The following AVEN variants were observed in gnomAD, a reference collection of about 807,000 sequenced individuals.
AVEN encodes apoptosis and caspase activation inhibitor.
A neutral mutation model predicts 38.1 loss-of-function variants in AVEN; 41 were observed. The observed-to-expected ratio is 1.08, with a 90% CI of 0.84 to 1.40. The LOEUF is 1.40. Among genes scored for constraint, AVEN ranks in the 40% most tolerant of loss-of-function variants. The pLI is 0.00. For missense variants in AVEN, 605 were observed against 438.8 expected, an observed-to-expected ratio of 1.38 and a Z score of -3.38; for synonymous variants, 206 against 171.8, an observed-to-expected ratio of 1.20 and a Z score of -1.56.
At chr15:33,854,020 C>T (rs1432756951), downstream of AVEN, among the ~76,000 whole-genome samples, 1 of 151,924 alleles carries the variant, frequency 6.6e-6, no homozygotes, top group Non-Finnish European at 1.5e-5. Context: ...AGTGAAACCC[C>T]GTCTCTACTA....
intron 2 of AVEN, among the ~76,000 whole-genome samples, chr15:33,957,986 C>T (rs1895020403): frequency 6.6e-6 from 1 of 152,162 alleles, no homozygotes; most frequent in Non-Finnish European, 1.5e-5. Context: ...AAATCTGAAA[C>T]TCTGAGTGGG....
At chr15:33,922,966 CT>C (rs1184632189) in intron 2 of AVEN, among the ~76,000 whole-genome samples, 1 of 152,142 alleles carries the variant, frequency 6.6e-6, no homozygotes, top group Non-Finnish European at 1.5e-5. Flanking sequence ...TATAGCTATT[CT>C]AATCAGTTTC....
rs781288336 is a variant in AVEN at position 33,867,689 on chromosome 15, G to C, written c.779C>G (p.Pro260Arg). ...GCPVLLGKDN[P>R]SPGPSRDSQK... Reference sequence around the variant, plus strand: ...AGAATCCCTTGAAGGACCCGGGCTTGGGTTGTCTTTGCCCAGCAACACAGG... The same window carrying C: ...AGAATCCCTTGAAGGACCCGGGCTTCGGTTGTCTTTGCCCAGCAACACAGG... Residue 260 changes from proline (P) to arginine (R), a missense_variant, in exon 5 of 6, where the codon CCA (proline) becomes CGA (arginine). Pro to Arg is a moderately radical substitution (Grantham distance 103). Transcript: ENST00000306730. The C allele has an allele frequency of 1.9e-5, 30 of 1,614,152 alleles. 1 individual carries two copies. The South Asian group carries it at 2.4e-4, about 13-fold the overall frequency.
chr15:33,935,052 C>G (rs936196017), intron 2 of AVEN, among the ~76,000 whole-genome samples: 2 of 152,188 alleles, frequency 1.3e-5, no homozygotes, highest in East Asian at 3.8e-4. Context: ...CACTAAGGCT[C>G]TTTCCCGGGG....
rs187086433 is a variant in AVEN at position 33,874,327 on chromosome 15, C to G, written c.516+1598G>C. 1.8e-3 allele frequency among the ~76,000 whole-genome samples: 276 copies of G among 152,276 alleles called. 2 individuals are homozygous for G. The highest frequency in any genetic ancestry group is 3.4e-3 in the Middle Eastern group (1 of 294). On this transcript the variant is annotated intron_variant, in intron 3 of 5. Transcript: ENST00000306730. ...GAATTCACACTCAGGTCTGAAACTG[C>G]TGGTACTAACTAGCCCACACCTGCC...
intron 2 of AVEN, among the ~76,000 whole-genome samples, chr15:33,989,899 C>T (rs1018885650): frequency 2.3e-4 from 34 of 150,318 alleles, no homozygotes; most frequent in Non-Finnish European, 4.4e-5. Context: ...ACACTAGATG[C>T]TATTAGAACG....
At position 33,983,154 on chromosome 15, in the gene AVEN, G is replaced by GTATATA. The variant is rs1555512743; in HGVS notation, c.445+19877_445+19878insTATATA. ...TGTGTGTGTGTGTGTGTGTGTGTGT[G>GTATATA]TGTGTATGTGTGTGTGTATATATAC... On this transcript the variant is annotated intron_variant, in intron 2 of 5. Transcript: ENST00000306730. Among the ~76,000 whole-genome samples the GTATATA allele has an allele frequency of 1.7e-3, 194 of 111,748 alleles. 2 individuals carry two copies. The highest frequency in any genetic ancestry group is 7.7e-3 in the African/African-American group (177 of 23,082). The allele number at this position is 111,748 out of a possible 152,430, so 73.3% of individuals were successfully genotyped here. A position where few individuals can be genotyped will look rare whatever the true frequency, so the allele number is the denominator to read the frequency against.
exon 1 of AVEN, among the ~76,000 whole-genome samples, chr15:34,075,049 C>T (rs555468623): frequency 2.6e-5 from 4 of 152,018 alleles, no homozygotes; most frequent in African/African-American, 7.2e-5. Flanking sequence ...TGGTGGCACA[C>T]GCCTGTAGTC....
intron 2 of AVEN, among the ~76,000 whole-genome samples, chr15:33,894,814 A>AT (rs1363044082): frequency 0.18 from 3,437 of 19,116 alleles, 76 homozygotes; most frequent in Non-Finnish European, 0.35. Flanking sequence ...CATCTCAAAA[A>AT]AAAAAAAATA....
At chr15:34,005,668 C>T (rs989683245) in intron 1 of AVEN, among the ~76,000 whole-genome samples, 1 of 152,156 alleles carries the variant, frequency 6.6e-6, no homozygotes, top group South Asian at 2.1e-4. Flanking sequence ...CCTCTTTCAT[C>T]GAGGAAATTG....
chr15:34,015,606 G>A (rs974949589), intron 1 of AVEN, among the ~76,000 whole-genome samples: 1 of 152,086 alleles, frequency 6.6e-6, no homozygotes, highest in African/African-American at 2.4e-5. Flanking sequence ...TCGGTCTTTA[G>A]GAGCTAAGAA....
At chr15:33,865,205 A>C, downstream of AVEN, 2 of 1,613,482 alleles carry the variant, frequency 1.2e-6, no homozygotes, top group Non-Finnish European at 1.7e-6. Context: ...TTCGTAAACA[A>C]TATGAAGATC....
chr15:33,984,116 T>C (rs926667395), intron 2 of AVEN, among the ~76,000 whole-genome samples: 7 of 151,914 alleles, frequency 4.6e-5, no homozygotes, highest in African/African-American at 9.7e-5. Context: ...GTGGAAAAAA[T>C]TGGAGAAATG....
intron 2 of AVEN, among the ~76,000 whole-genome samples, chr15:33,912,088 T>C (rs939802454): frequency 2.0e-5 from 3 of 152,248 alleles, no homozygotes; most frequent in Admixed American, 6.5e-5. Context: ...CAAAGAGATA[T>C]GTTTAACTCA....
At chr15:34,005,802 A>T (rs942211106) in intron 1 of AVEN, among the ~76,000 whole-genome samples, 1 of 152,200 alleles carries the variant, frequency 6.6e-6, no homozygotes, top group Non-Finnish European at 1.5e-5. Context: ...AAATAGACTA[A>T]TTGGCCTTTC....
intron 1 of AVEN, among the ~76,000 whole-genome samples, chr15:34,013,257 T>G (rs532620996): frequency 1.3e-5 from 2 of 152,298 alleles, no homozygotes; most frequent in African/African-American, 4.8e-5. Context: ...AGGTGGGGTT[T>G]CACCATGTTG....
intron 2 of AVEN, among the ~76,000 whole-genome samples, chr15:33,939,207 AG>A (rs1377760030): frequency 6.6e-6 from 1 of 152,240 alleles, no homozygotes; most frequent in Non-Finnish European, 1.5e-5. Context: ...ACAGGGAGGG[AG>A]GAAGAACCTC....
At chr15:34,052,641 C>G (rs1899968794) in intron 5 of AVEN, among the ~76,000 whole-genome samples, 1 of 152,198 alleles carries the variant, frequency 6.6e-6, no homozygotes, top group East Asian at 1.9e-4. Context: ...TAAGCAATTT[C>G]AGCAGTCTCA....
chr15:33,876,599 T>G (rs1416244045), intron 2 of AVEN, among the ~76,000 whole-genome samples: 2 of 152,014 alleles, frequency 1.3e-5, no homozygotes, highest in African/African-American at 4.8e-5. Context: ...ACATAAAGCC[T>G]CTGAATAATA....
Sources: gnomAD v4.1 joint callset for allele counts (sites outside exome capture counted in the v4.1 genomes callset) on GRCh38, gnomAD v4.1.1 for gene constraint, MANE v1.5 for transcripts, NCBI Gene and HGNC (gene_info 2026-07-23, HGNC 2026-07-21) for gene names.